ADAMTS17: variants seen among roughly 807,000 people sequenced by gnomAD.
The protein encoded by ADAMTS17 is ADAM metallopeptidase with thrombospondin type 1 motif 17.
ADAMTS17 carries 113 observed loss-of-function variants against 141.5 expected under a neutral mutation model. The observed-to-expected ratio is 0.80, with a 90% confidence interval of 0.69 to 0.93. ADAMTS17 has a LOEUF of 0.93. ADAMTS17 is among the 40% of genes least tolerant of loss of function. The pLI is 0.00. For missense variants in ADAMTS17, 1,659 were observed against 1,517.9 expected, an observed-to-expected ratio of 1.09 and a Z score of -1.54; for synonymous variants, 768 against 630.6, an observed-to-expected ratio of 1.22 and a Z score of -3.27.
intron 7 of ADAMTS17, among the ~76,000 whole-genome samples, chr15:100,219,389 C>G (rs541152705): frequency 2.6e-5 from 4 of 152,276 alleles, no homozygotes; most frequent in African/African-American, 9.6e-5. Flanking sequence ...TGTCATCCAG[C>G]ATGCAAGGTC....
intron 2 of ADAMTS17, among the ~76,000 whole-genome samples, chr15:100,334,396 A>C (rs1022414490): frequency 6.6e-6 from 1 of 152,198 alleles, no homozygotes; most frequent in Admixed American, 6.5e-5. Flanking sequence ...CTCCTCAGTT[A>C]ACATGAGTGG....
chr15:100,025,480 C>T (rs1200948008), intron 18 of ADAMTS17, among the ~76,000 whole-genome samples: 2 of 149,754 alleles, frequency 1.3e-5, no homozygotes, highest in South Asian at 2.1e-4. Context: ...GGCGTGATCT[C>T]GGCTCACTGC....
At chr15:100,241,856 G>C (rs555557861) in intron 7 of ADAMTS17, among the ~76,000 whole-genome samples, 4 of 152,154 alleles carry the variant, frequency 2.6e-5, no homozygotes, top group African/African-American at 9.7e-5. Context: ...AATCCAAGTC[G>C]TCTATGCTAG....
chr15:100,045,919 C>CA lies in ADAMTS17; in HGVS notation c.2591+2937dup, dbSNP rs750794281. Among the ~76,000 whole-genome samples the CA allele has an allele frequency of 5.1e-4, 77 of 152,184 alleles. 1 individual carries two copies. Among genetic ancestry groups the CA allele is most frequent in the Admixed American group, 1.4e-3 (21 of 15,282 alleles). On this transcript the variant is annotated intron_variant, in intron 18 of 21. Coordinates refer to ENST00000268070, the MANE Select transcript of ADAMTS17 (RefSeq NM_139057.4). ...TTTTTGAGATGGAGTCTCACTCTGT[C>CA]ACCAAGGCTGGAGTGCAGTGGTGTG...
intron 12 of ADAMTS17, among the ~76,000 whole-genome samples, chr15:100,118,783 A>G (rs1182792487): frequency 6.6e-6 from 1 of 152,166 alleles, no homozygotes; most frequent in Admixed American, 6.5e-5. Context: ...CACCCTGGCA[A>G]TAAGTGAGTC....
intron 15 of ADAMTS17, among the ~76,000 whole-genome samples, chr15:100,091,805 G>C (rs1188475638): frequency 1.3e-5 from 2 of 152,114 alleles, no homozygotes; most frequent in Admixed American, 6.5e-5. Flanking sequence ...TTAGTAAATA[G>C]ATCATAAAAT....
chr15:100,272,144 G>A (rs2043935872), intron 4 of ADAMTS17, among the ~76,000 whole-genome samples: 1 of 152,144 alleles, frequency 6.6e-6, no homozygotes, highest in Non-Finnish European at 1.5e-5. Context: ...GGAAGTGTGA[G>A]TCTTACTGTG....
At chr15:100,014,720 G>C (rs1255756306) in intron 18 of ADAMTS17, among the ~76,000 whole-genome samples, 1 of 152,160 alleles carries the variant, frequency 6.6e-6, no homozygotes, top group African/African-American at 2.4e-5. Flanking sequence ...TGTGGTCTGA[G>C]AGAGTGCCTG....
At chr15:100,254,797 G>A (rs555227639) in intron 6 of ADAMTS17, among the ~76,000 whole-genome samples, 5 of 152,174 alleles carry the variant, frequency 3.3e-5, no homozygotes, top group Non-Finnish European at 7.4e-5. Context: ...TGAATGATGA[G>A]AACACATGGA....
At chr15:100,188,386 T>C (rs910826603) in intron 8 of ADAMTS17, among the ~76,000 whole-genome samples, 1 of 149,902 alleles carries the variant, frequency 6.7e-6, no homozygotes. Flanking sequence ...CACGAAGCCC[T>C]GTCTCTTAAA....
chr15:99,995,270 T>C (rs1172602711), intron 19 of ADAMTS17, among the ~76,000 whole-genome samples: 1 of 152,232 alleles, frequency 6.6e-6, no homozygotes, highest in Non-Finnish European at 1.5e-5. Context: ...CTTGCTCCTC[T>C]GCAACCAGGA....
chr15:100,341,101 G>C lies in ADAMTS17; in HGVS notation c.388C>G (p.Arg130Gly), dbSNP rs886050979. 258 of 1,512,560 alleles carry C rather than the reference G, an allele frequency of 1.7e-4. No homozygotes were observed. Among genetic ancestry groups the C allele is most frequent in the Non-Finnish European group, 2.0e-4 (222 of 1,136,612 alleles). 93.7% of individuals were successfully genotyped at this position (1,512,560 alleles called of 1,614,324 possible). ...RPAELCFYSGRVLGHPGSLVS... is the reference protein window; with the variant it reads ...RPAELCFYSGGVLGHPGSLVS... ...AGGGAGCCGGGGTGGCCGAGCACAC[G>C]GCCCGAGTAGAAGCACAGCTCGGCG... The change falls in exon 2 of 22, where the codon CGT becomes GGT. Residue 130 changes from arginine (R) to glycine (G), a missense_variant. Physicochemically the swap from Arg to Gly is moderately radical, Grantham distance 125 (BLOSUM62 -2). Transcript: ENST00000268070.
At chr15:100,220,041 G>A (rs987292956) in intron 7 of ADAMTS17, among the ~76,000 whole-genome samples, 13 of 152,156 alleles carry the variant, frequency 8.5e-5, no homozygotes. Context: ...CTAGGCTCAT[G>A]TCTATTCCTA....
At chr15:100,051,791 C>G in intron 16 of ADAMTS17, 60 bp from the exon 17 acceptor site, 3 of 1,601,920 alleles carry the variant, frequency 1.9e-6, no homozygotes, top group South Asian at 1.1e-5. Flanking sequence ...GTGGGAATGC[C>G]GAATCTGCAC....
chr15:100,176,994 C>A (rs1352729068), intron 8 of ADAMTS17, among the ~76,000 whole-genome samples: 1 of 152,188 alleles, frequency 6.6e-6, no homozygotes, highest in East Asian at 1.9e-4. Context: ...GACTGTACCA[C>A]AGATTAACTG....
In ADAMTS17 at chr15:99,972,281, C is replaced by G. The variant is rs1227910717; in HGVS notation, c.*2121G>C. ...ACAACACCGACAACAAAAAGATGAG[C>G]TAAAAGAGCTCTGCAGATGCAGACT... On this transcript the variant is annotated 3_prime_UTR_variant, in exon 22 of 22. Transcript: ENST00000268070. 1 of 152,114 alleles carries G rather than the reference C, an allele frequency of 6.6e-6. No individual in the cohort carries two copies. Among genetic ancestry groups the G allele is most frequent in the Non-Finnish European group, 1.5e-5 (1 of 68,050 alleles). The allele number at this position is 152,114 out of a possible 1,614,324, so 9.4% of individuals were successfully genotyped here.
At position 100,254,012 on chromosome 15, in the gene ADAMTS17, G is replaced by C. The variant is rs533025731; in HGVS notation, c.1075+124C>G. 253 of 925,654 alleles carry C rather than the reference G, an allele frequency of 2.7e-4. 1 individual carries two copies. The highest frequency in any genetic ancestry group is 3.6e-4 in the Non-Finnish European group (204 of 573,246). 57.3% of individuals were successfully genotyped at this position (925,654 alleles called of 1,614,324 possible). A position where few individuals can be genotyped will look rare whatever the true frequency, so the allele number is the denominator to read the frequency against. On this transcript the variant is annotated intron_variant, in intron 7 of 21. Transcript: ENST00000268070. ...AAGGAAAGTCAAAGACCAACTTACA[G>C]GAAGGAAGGCAACAGAATGTGCAGT... is the stretch of plus-strand genomic sequence containing the variant.
At chr15:100,234,843 C>G (rs1040344487) in intron 7 of ADAMTS17, among the ~76,000 whole-genome samples, 1 of 152,218 alleles carries the variant, frequency 6.6e-6, no homozygotes, top group East Asian at 1.9e-4. Flanking sequence ...AAGGCGCCCC[C>G]TCCACAGCCT....
chr15:100,020,774 C>T (rs2061392310), intron 18 of ADAMTS17, among the ~76,000 whole-genome samples: 1 of 152,224 alleles, frequency 6.6e-6, no homozygotes, highest in East Asian at 1.9e-4. Flanking sequence ...CCAGGGCGCC[C>T]ATCCTGACCC....
Sources: gnomAD v4.1 joint callset for allele counts (sites outside exome capture counted in the v4.1 genomes callset) on GRCh38, gnomAD v4.1.1 for gene constraint, MANE v1.5 for transcripts, NCBI Gene and HGNC (gene_info 2026-07-23, HGNC 2026-07-21) for gene names.